Variants in NDUFAF2 observed in about 807,000 individuals in gnomAD.
The protein encoded by NDUFAF2 is NADH:ubiquinone oxidoreductase complex assembly factor 2.
A neutral mutation model predicts 22.8 loss-of-function variants in NDUFAF2; 13 were observed. That is an observed-to-expected ratio of 0.57 (90% confidence interval 0.37 to 0.91). The LOEUF is 0.91. Among genes scored for constraint, NDUFAF2 ranks in the 40% least tolerant of loss-of-function variants. The pLI, the probability that NDUFAF2 is intolerant of heterozygous loss-of-function variation, is 0.01. For missense variants in NDUFAF2, 162 were observed against 195.2 expected, an observed-to-expected ratio of 0.83 and a Z score of 1.01; for synonymous variants, 53 against 64.2, an observed-to-expected ratio of 0.83 and a Z score of 0.84.
chr5:61,052,192 C>T (rs1752032551), intron 1 of NDUFAF2, among the ~76,000 whole-genome samples: 2 of 152,204 alleles, frequency 1.3e-5, no homozygotes, highest in African/African-American at 4.8e-5. Flanking sequence ...ACAACTCATA[C>T]TGCTCAATTT....
chr5:61,034,889 T>G (rs541559463), intron 1 of NDUFAF2, among the ~76,000 whole-genome samples: 95 of 147,126 alleles, frequency 6.5e-4, no homozygotes, highest in Non-Finnish European at 1.2e-3. Context: ...CATATTTGGG[T>G]TTTTTTAGGT....
intron 1 of NDUFAF2, among the ~76,000 whole-genome samples, chr5:61,007,467 C>G (rs1751382542): frequency 6.6e-6 from 1 of 152,082 alleles, no homozygotes; most frequent in South Asian, 2.1e-4. Flanking sequence ...TGAAAACAAA[C>G]AACCCCATTA....
At chr5:61,044,707 A>G (rs1024287931) in intron 1 of NDUFAF2, among the ~76,000 whole-genome samples, 1 of 151,988 alleles carries the variant, frequency 6.6e-6, no homozygotes, top group African/African-American at 2.4e-5. Flanking sequence ...TGCCAATACC[A>G]TGCTGTTTTG....
chr5:60,954,392 C>G (rs1750587279), intron 1 of NDUFAF2, among the ~76,000 whole-genome samples: 1 of 152,150 alleles, frequency 6.6e-6, no homozygotes, highest in African/African-American at 2.4e-5. Flanking sequence ...TGAAAGGTTC[C>G]TATTAGAGCA....
intron 1 of NDUFAF2, among the ~76,000 whole-genome samples, chr5:61,019,784 G>A (rs1357859128): frequency 6.6e-6 from 1 of 151,898 alleles, no homozygotes; most frequent in Non-Finnish European, 1.5e-5. Context: ...CCTTTTTCTT[G>A]TACTGGCCTC....
chr5:61,052,290 G>A (rs1752033953), intron 1 of NDUFAF2, among the ~76,000 whole-genome samples: 1 of 152,008 alleles, frequency 6.6e-6, no homozygotes. Context: ...GGTCCTATAA[G>A]AGAAAAATTA....
At chr5:61,145,031 T>C (rs957465105) in intron 3 of NDUFAF2, among the ~76,000 whole-genome samples, 22 of 152,228 alleles carry the variant, frequency 1.4e-4, no homozygotes, top group African/African-American at 3.9e-4. Context: ...TAACTACTTA[T>C]TATATCATGC....
chr5:61,015,265 A>G (rs966642251), intron 1 of NDUFAF2, among the ~76,000 whole-genome samples: 3 of 152,154 alleles, frequency 2.0e-5, no homozygotes, highest in Admixed American at 1.3e-4. Flanking sequence ...ACTAAATATA[A>G]CACCCAATTT....
At chr5:60,945,458 C>T in intron 1 of NDUFAF2, 76 bp downstream of exon 1, 1 of 1,596,418 alleles carries the variant, frequency 6.3e-7, no homozygotes, top group Non-Finnish European at 8.6e-7. Flanking sequence ...GTGAGAGCCC[C>T]TAGTCAACTA....
intron 1 of NDUFAF2, among the ~76,000 whole-genome samples, chr5:60,953,331 C>T (rs1392550836): frequency 6.6e-6 from 1 of 151,836 alleles, no homozygotes; most frequent in African/African-American, 2.4e-5. Flanking sequence ...TTTAAAGTAC[C>T]AAAAGAGAAA....
At position 61,099,011 on chromosome 5, in the gene NDUFAF2, A is replaced by G. The variant is rs573197220; in HGVS notation, c.237A>G (p.Arg79=). 10 of 1,600,652 alleles carry G rather than the reference A, an allele frequency of 6.2e-6. 1 individual carries two copies. In the African/African-American group the frequency reaches 1.2e-4, roughly 19 times the overall value. ...TTCTAGCTTGGATTAGAAGAACAAGAAAGACTCCACCTACTATGGAGGTAA... is the reference window on the plus strand; with the variant it reads ...TTCTAGCTTGGATTAGAAGAACAAGGAAGACTCCACCTACTATGGAGGTAA... ...TEWEAWIRRT[R]KTPPTMEEIL... The change falls in exon 3 of 4, where the codon AGA becomes AGG. Residue 79 remains arginine, a synonymous_variant. Transcript: ENST00000296597.
At chr5:61,107,192 A>C (rs1752777918) in intron 3 of NDUFAF2, among the ~76,000 whole-genome samples, 1 of 151,170 alleles carries the variant, frequency 6.6e-6, no homozygotes, top group Non-Finnish European at 1.5e-5. Context: ...ACTAATTTAC[A>C]TTCCCACCAA....
chr5:61,125,927 C>A lies in NDUFAF2; in HGVS notation c.259-26777C>A, dbSNP rs1357788952. ...CTCAATGTATTCTGCACTAAGTGTG[C>A]CCCAAGTCCTATGCATCCAATCATA... On this transcript the variant is annotated intron_variant, in intron 3 of 3. Coordinates refer to ENST00000296597, the MANE Select transcript of NDUFAF2 (RefSeq NM_174889.5). 3.9e-5 allele frequency among the ~76,000 whole-genome samples: 6 copies of A among 152,016 alleles called. No individual in the cohort carries two copies. In the East Asian group the frequency reaches 1.2e-3, roughly 29 times the overall value.
At chr5:60,959,294 A>C (rs925089415) in intron 1 of NDUFAF2, among the ~76,000 whole-genome samples, 4 of 152,082 alleles carry the variant, frequency 2.6e-5, no homozygotes, top group Admixed American at 6.5e-5. Context: ...TAAACATTTT[A>C]GATTCACTGT....
intron 1 of NDUFAF2, among the ~76,000 whole-genome samples, chr5:61,056,585 A>G (rs1452209694): frequency 6.6e-6 from 1 of 151,982 alleles, no homozygotes; most frequent in Non-Finnish European, 1.5e-5. Context: ...TAAACGAATG[A>G]CTAAAATCAT....
At chr5:61,076,230 C>T (rs1057511162) in intron 2 of NDUFAF2, among the ~76,000 whole-genome samples, 3 of 151,964 alleles carry the variant, frequency 2.0e-5, no homozygotes, top group African/African-American at 7.2e-5. Flanking sequence ...GCCACCACGC[C>T]CGGCTAATTT....
chr5:61,073,078 G>A (rs778731817), intron 1 of NDUFAF2, 47 bp from the exon 2 acceptor site: 6 of 1,145,520 alleles, frequency 5.2e-6, no homozygotes, highest in South Asian at 4.9e-5. Flanking sequence ...TAGAACTACT[G>A]TATCATAGGT....
chr5:61,086,861 C>G (rs550975786), intron 2 of NDUFAF2, among the ~76,000 whole-genome samples: 1 of 152,076 alleles, frequency 6.6e-6, no homozygotes, highest in South Asian at 2.1e-4. Context: ...GAAAAATTTG[C>G]CATACATGTC....
intron 1 of NDUFAF2, among the ~76,000 whole-genome samples, chr5:60,985,286 T>C (rs1288502695): frequency 6.6e-6 from 1 of 152,168 alleles, no homozygotes; most frequent in East Asian, 1.9e-4. Flanking sequence ...CTTCTTTGTT[T>C]TCTTCTTTGT....
Sources: allele counts gnomAD v4.1 joint callset (sites outside exome capture counted in the v4.1 genomes callset), GRCh38; gene constraint gnomAD v4.1.1; transcripts MANE v1.5; gene names NCBI Gene and HGNC (gene_info 2026-07-23, HGNC 2026-07-21).